AKAP19: variants seen among roughly 807,000 people sequenced by gnomAD.
AKAP19 encodes the protein small A-kinase anchoring protein.
the AKAP19 span, among the ~76,000 whole-genome samples, chr2:190,146,183 C>A: frequency 1.4e-4 from 21 of 152,122 alleles, no homozygotes; most frequent in African/African-American, 4.1e-4. Context: ...TCCCCAAAGT[C>A]CATTGTATCA....
chr2:190,039,477 A>T, the AKAP19 span, among the ~76,000 whole-genome samples: 1 of 152,196 alleles, frequency 6.6e-6, no homozygotes, highest in South Asian at 2.1e-4. Flanking sequence ...AACTACTTAC[A>T]TTTGAAACTT....
the AKAP19 span, among the ~76,000 whole-genome samples, chr2:190,050,115 C>A: frequency 6.6e-4 from 101 of 152,148 alleles, 1 homozygote; most frequent in Non-Finnish European, 1.3e-3. Context: ...GCCCTCAGAA[C>A]CAGAAGAGGT....
the AKAP19 span, among the ~76,000 whole-genome samples, chr2:190,157,428 C>A: frequency 2.7e-5 from 4 of 145,730 alleles, no homozygotes; most frequent in Non-Finnish European, 6.0e-5. Context: ...GAATAGGTTT[C>A]TACTCCAGAA....
At chr2:190,124,052 A>C in the AKAP19 span, among the ~76,000 whole-genome samples, 4 of 152,324 alleles carry the variant, frequency 2.6e-5, no homozygotes, top group Non-Finnish European at 1.5e-5. Context: ...CTTCTGCCTC[A>C]TACTGAGAGT....
At chr2:190,029,260 C>T in the AKAP19 span, among the ~76,000 whole-genome samples, 1 of 152,066 alleles carries the variant, frequency 6.6e-6, no homozygotes, top group South Asian at 2.1e-4. Flanking sequence ...CCATGTTGGT[C>T]AGGCTGGTCT....
chr2:189,980,066 C>T, the AKAP19 span, among the ~76,000 whole-genome samples: 1 of 152,104 alleles, frequency 6.6e-6, no homozygotes, highest in African/African-American at 2.4e-5. Context: ...TAGGGGGCAC[C>T]TACCCAAAGA....
At chr2:189,932,966 T>C in the AKAP19 span, among the ~76,000 whole-genome samples, 1 of 152,164 alleles carries the variant, frequency 6.6e-6, no homozygotes, top group Non-Finnish European at 1.5e-5. Flanking sequence ...AGATTACTGA[T>C]CATATATTGC....
chr2:190,015,526 G>A, the AKAP19 span, among the ~76,000 whole-genome samples: 1 of 152,210 alleles, frequency 6.6e-6, no homozygotes, highest in Non-Finnish European at 1.5e-5. Context: ...GATAGGAGAG[G>A]CTGCTGTGAA....
the AKAP19 span, among the ~76,000 whole-genome samples, chr2:189,938,336 CAAA>C: frequency 5.8e-5 from 4 of 69,028 alleles, no homozygotes; most frequent in Non-Finnish European, 9.3e-5. Flanking sequence ...ACTCCATCTC[CAAA>C]AAAAAAAAAA....
chr2:189,976,680 G>A, the AKAP19 span, among the ~76,000 whole-genome samples: 1 of 152,206 alleles, frequency 6.6e-6, no homozygotes, highest in Non-Finnish European at 1.5e-5. Context: ...GCAATGGCGG[G>A]CGCCCCTCCC....
chr2:189,997,343 TC>T, the AKAP19 span, among the ~76,000 whole-genome samples: 28 of 152,134 alleles, frequency 1.8e-4, no homozygotes, highest in African/African-American at 6.8e-4. Flanking sequence ...GCCGTAAAGC[TC>T]CCAAGAGTTT....
chr2:190,062,630 C>A, the AKAP19 span: 2 of 1,597,824 alleles, frequency 1.3e-6, no homozygotes, highest in South Asian at 2.3e-5. Context: ...TTTTCTTGTT[C>A]TTGTTTCTTC....
At chr2:190,067,581 A>G in the AKAP19 span, among the ~76,000 whole-genome samples, 1 of 152,224 alleles carries the variant, frequency 6.6e-6, no homozygotes, top group African/African-American at 2.4e-5. Context: ...CAGGCAATCT[A>G]GAGGTCATTT....
chr2:189,920,122 C>G, the AKAP19 span, among the ~76,000 whole-genome samples: 2 of 152,192 alleles, frequency 1.3e-5, no homozygotes, highest in Non-Finnish European at 2.9e-5. Flanking sequence ...ACCATATATT[C>G]TCAGTTTGGT....
chr2:190,126,361 G>C, the AKAP19 span, among the ~76,000 whole-genome samples: 3 of 128,496 alleles, frequency 2.3e-5, no homozygotes, highest in African/African-American at 8.6e-5. Context: ...CACTATATAG[G>C]TACAATTTTC....
the AKAP19 span, among the ~76,000 whole-genome samples, chr2:190,155,540 G>T: frequency 6.6e-6 from 1 of 152,188 alleles, no homozygotes; most frequent in Admixed American, 6.5e-5. Flanking sequence ...GCTGAATGGG[G>T]TGGGATCAAT....
chr2:190,169,568 G>A, the AKAP19 span, among the ~76,000 whole-genome samples: 1 of 152,192 alleles, frequency 6.6e-6, no homozygotes, highest in Non-Finnish European at 1.5e-5. Context: ...GAATTAGGTA[G>A]CCAGGCTTCT....
the AKAP19 span, among the ~76,000 whole-genome samples, chr2:190,030,474 A>G: frequency 6.6e-6 from 1 of 152,032 alleles, no homozygotes; most frequent in African/African-American, 2.4e-5. Context: ...CTTCCACTAC[A>G]TTGTTGCCCT....
chr2:190,176,779 C>A, the AKAP19 span, among the ~76,000 whole-genome samples: 1 of 152,176 alleles, frequency 6.6e-6, no homozygotes, highest in South Asian at 2.1e-4. This position sits in a 1 kb window ranked among gnomAD's most constrained non-coding sequence, Gnocchi z 4.7. Flanking sequence ...TATCCTAAAG[C>A]CTTAATTAGG....
Sources: gnomAD v4.1 joint callset for allele counts (sites outside exome capture counted in the v4.1 genomes callset) on GRCh38, gnomAD v4.1.1 for gene constraint, Gnocchi (gnomAD v3.1) non-coding constraint, MANE v1.5 for transcripts, NCBI Gene and HGNC (gene_info 2026-07-23, HGNC 2026-07-21) for gene names.